Variants in TRAF5 observed in about 807,000 individuals in gnomAD.
The protein encoded by TRAF5 is TNF receptor-associated factor 5.
A neutral mutation model predicts 64.5 loss-of-function variants in TRAF5; 48 were observed. That is an observed-to-expected ratio of 0.74 (90% CI 0.59 to 0.95). The LOEUF (loss-of-function observed/expected upper bound fraction) is 0.95. TRAF5 is among the 40% of genes least tolerant of loss of function. The probability of loss-of-function intolerance (pLI) is 0.00; values close to 1 mark genes in which losing one functional copy is unlikely to be tolerated. For synonymous variants in TRAF5, 206 were observed against 240.5 expected (o/e 0.86, Z 1.33); for missense variants, 545 against 662.8 (o/e 0.82, Z 1.95).
rs190724428 is a variant in TRAF5, at chr1:211,362,915, A to G, written c.696+1753A>G. On this transcript the variant is annotated intron_variant, in intron 7 of 10. Transcript: ENST00000261464. ...TCCTTAATATACAAAGAAACCTTAC[A>G]TGTTAATAACCTACTCAACTTAATG... 3.5e-3 allele frequency among the ~76,000 whole-genome samples: 538 copies of G among 152,332 alleles called. 2 individuals are homozygous for G. Among genetic ancestry groups the G allele is most frequent in the African/African-American group, 9.9e-3 (411 of 41,580 alleles).
chr1:211,350,551 A>T (rs1168483113), intron 1 of TRAF5, among the ~76,000 whole-genome samples: 1 of 152,210 alleles, frequency 6.6e-6, no homozygotes, highest in East Asian at 1.9e-4. Flanking sequence ...CCACTAAAAG[A>T]TGAAGGGAGA....
intron 1 of TRAF5, among the ~76,000 whole-genome samples, chr1:211,334,129 T>C (rs966805941): frequency 7.9e-5 from 12 of 152,154 alleles, no homozygotes; most frequent in African/African-American, 2.9e-4. Context: ...GGAGACCAGG[T>C]GCAAGCCTCC....
chr1:211,371,373 C>A lies in TRAF5; in HGVS notation c.1002C>A (p.Asn334Lys). 6.2e-7 allele frequency: 1 copy of A among 1,611,452 alleles called. No homozygotes were observed. The highest frequency in any genetic ancestry group is 8.5e-7 in the Non-Finnish European group (1 of 1,179,562). Residue 334 changes from asparagine (N) to lysine (K), a missense_variant, in exon 10 of 11, where the codon AAC (asparagine) becomes AAA (lysine). Physicochemically the swap from Asn to Lys is moderately conservative, Grantham distance 94. Transcript: ENST00000261464. ...AQVHQLLQMV[N>K]QQQNKFDLRP... ...TGCATCAATTATTACAAATGGTTAA[C>A]CAGCAACAAAATAAATTTGACCTGA...
chr1:211,340,307 T>G (rs1218850223), intron 1 of TRAF5, among the ~76,000 whole-genome samples: 1 of 152,192 alleles, frequency 6.6e-6, no homozygotes, highest in Non-Finnish European at 1.5e-5. Flanking sequence ...TTTTTTGAGA[T>G]GGAGTCTTGC....
rs1053569713 is a variant in TRAF5, at chr1:211,372,063, G to A, written c.1100-65G>A. Reference sequence around the variant, plus strand: ...CTTTCAGGTAACAAAATTCCACTTTGGGAAAATTTTAAAGATAACTTTTAG... The same window carrying A: ...CTTTCAGGTAACAAAATTCCACTTTAGGAAAATTTTAAAGATAACTTTTAG... On this transcript the variant is annotated intron_variant, in intron 10 of 10. Coordinates refer to ENST00000261464, the MANE Select transcript of TRAF5 (RefSeq NM_001033910.3). 2.8e-6 allele frequency: 4 copies of A among 1,414,582 alleles called. No homozygotes were observed. The African/African-American group carries it at 5.8e-5, about 20-fold the overall frequency. 87.6% of individuals were successfully genotyped at this position (1,414,582 alleles called of 1,614,324 possible). A position where few individuals can be genotyped will look rare whatever the true frequency, so the allele number is the denominator to read the frequency against.
chr1:211,353,328 G>C lies in TRAF5; in HGVS notation c.89G>C (p.Ser30Thr). 1.2e-6 allele frequency: 2 copies of C among 1,614,208 alleles called. No homozygotes were observed. The highest frequency in any genetic ancestry group is 1.7e-6 in the Non-Finnish European group (2 of 1,180,038). The change falls in exon 2 of 11, where the codon AGT (serine) becomes ACT (threonine). Residue 30 changes from serine to threonine, a missense_variant. By Grantham distance (58) the Ser-to-Thr change is moderately conservative (BLOSUM62 1). Transcript: ENST00000261464. ...GNSISLDFEPSIEYQFVERLE... is the reference protein window; with the variant it reads ...GNSISLDFEPTIEYQFVERLE... ...TCCATTTCCTTGGACTTTGAGCCCA[G>C]TATAGAGTACCAGTTTGTGGAGCGG...
intron 7 of TRAF5, among the ~76,000 whole-genome samples, chr1:211,364,140 G>A (rs1703273589): frequency 6.6e-6 from 1 of 152,104 alleles, no homozygotes; most frequent in Middle Eastern, 3.4e-3. Context: ...AAACTGCATG[G>A]ATCACCTTGA....
At chr1:211,360,377 A>G in intron 5 of TRAF5, 1 of 485,998 alleles carries the variant, frequency 2.1e-6, no homozygotes, top group South Asian at 2.7e-5. Flanking sequence ...TCTGCAGTGT[A>G]GCTGGGGAGG....
At chr1:211,342,047 T>A (rs912266808) in intron 1 of TRAF5, among the ~76,000 whole-genome samples, 7 of 152,124 alleles carry the variant, frequency 4.6e-5, no homozygotes, top group Non-Finnish European at 7.4e-5. Flanking sequence ...TCAGCAAACT[T>A]CTTCTGTAAA....
intron 1 of TRAF5, among the ~76,000 whole-genome samples, chr1:211,337,811 C>A (rs1459901371): frequency 3.3e-5 from 5 of 152,152 alleles, no homozygotes; most frequent in Non-Finnish European, 5.9e-5. Context: ...TTGGTGGTAC[C>A]ATTTCACTGA....
At chr1:211,344,626 T>G (rs1018322407) in intron 1 of TRAF5, among the ~76,000 whole-genome samples, 1 of 152,226 alleles carries the variant, frequency 6.6e-6, no homozygotes. Context: ...CTTCTTCAGT[T>G]TTTGAGGGAA....
chr1:211,337,095 C>T (rs1702322360), intron 1 of TRAF5, among the ~76,000 whole-genome samples: 1 of 152,210 alleles, frequency 6.6e-6, no homozygotes. Flanking sequence ...TGTGCTGGAG[C>T]TTATATTCTA....
In TRAF5 at chr1:211,326,860, G is replaced by C; in HGVS notation, c.-31G>C. 3.0e-6 allele frequency: 3 copies of C among 984,932 alleles called. No homozygotes were observed. In the South Asian group the frequency reaches 1.4e-4, roughly 44 times the overall value. 61.0% of individuals were successfully genotyped at this position (984,932 alleles called of 1,614,324 possible). A position where few individuals can be genotyped will look rare whatever the true frequency, so the allele number is the denominator to read the frequency against. ...GAGCAGCAGCCGCGCCTGCAGACCG[G>C]CCTCGCGGAGCCCGCGCGCCGAGCC... On this transcript the variant is annotated 5_prime_UTR_variant, in exon 1 of 11. Transcript: ENST00000261464. The surrounding 1 kb of genome is among the most constrained non-coding windows in gnomAD (Gnocchi z 5.0).
chr1:211,352,779 G>A lies in TRAF5; in HGVS notation c.-1-460G>A, dbSNP rs149440276. On this transcript the variant is annotated intron_variant, in intron 1 of 10. Transcript: ENST00000261464. ...CCAGCATGTTCAATGTCTGGTAAACGCTTGCTCTGTGCTTCCAAGATGGTG... is the reference window on the plus strand; with the variant it reads ...CCAGCATGTTCAATGTCTGGTAAACACTTGCTCTGTGCTTCCAAGATGGTG... 3.2e-3 allele frequency among the ~76,000 whole-genome samples: 484 copies of A among 152,284 alleles called. 2 individuals are homozygous for A. The highest frequency in any genetic ancestry group is 0.011 in the African/African-American group (466 of 41,556).
chr1:211,338,513 G>C (rs1223875522), intron 1 of TRAF5, among the ~76,000 whole-genome samples: 1 of 152,190 alleles, frequency 6.6e-6, no homozygotes, highest in Non-Finnish European at 1.5e-5. Context: ...AGGAGGGCAG[G>C]GTGGAAATGC....
intron 5 of TRAF5, 134 bp from the exon 6 acceptor site, chr1:211,360,568 C>T: frequency 9.5e-6 from 6 of 628,846 alleles, no homozygotes; most frequent in East Asian, 2.8e-5. Flanking sequence ...ATCTTTAATC[C>T]TTTTTTGGAA....
chr1:211,372,196 A>T lies in TRAF5; in HGVS notation c.1168A>T (p.Asn390Tyr). ...TATTCATAAAGCACAGCTGAGTAAA[A>T]ATGAAGAGCGATTTAAACTGCTGGA... The part of the protein sequence containing the change: ...INIHKAQLSK[N>Y]EERFKLLEGT... The change falls in exon 11 of 11, where the codon AAT becomes TAT. Residue 390 changes from asparagine to tyrosine, a missense_variant. Physicochemically the swap from Asn to Tyr is moderately radical, Grantham distance 143. Transcript: ENST00000261464. The T allele has an allele frequency of 6.2e-7, 1 of 1,614,068 alleles. No homozygotes were observed. The highest frequency in any genetic ancestry group is 2.2e-5 in the East Asian group (1 of 44,882).
In TRAF5 at chr1:211,360,753, T is replaced by G; in HGVS notation, c.595T>G (p.Cys199Gly). 1 of 1,613,994 alleles carries G rather than the reference T, an allele frequency of 6.2e-7. No individual in the cohort carries two copies. The highest frequency in any genetic ancestry group is 8.5e-7 in the Non-Finnish European group (1 of 1,179,896). The stretch of plus-strand genomic sequence containing the variant: ...ATACCCAGTATTTTGTCCCAACAAT[T>G]GTGCGAAGATTATTCTAAAAACTGA... ...PEYPVFCPNN[C>G]AKIILKTEVD... The change falls in exon 6 of 11, where the codon TGT (cysteine) becomes GGT (glycine). Residue 199 changes from cysteine (C) to glycine (G), a missense_variant. Transcript: ENST00000261464.
At position 211,360,756 on chromosome 1, in the gene TRAF5, G is replaced by A. The variant is rs756166595; in HGVS notation, c.598G>A (p.Ala200Thr). The change falls in exon 6 of 11, where the codon GCG becomes ACG. Residue 200 changes from alanine (A) to threonine (T), a missense_variant. By Grantham distance (58) the Ala-to-Thr change is moderately conservative (BLOSUM62 0). Coordinates refer to ENST00000261464, the MANE Select transcript of TRAF5 (RefSeq NM_001033910.3). ...EYPVFCPNNCAKIILKTEVDE... is the reference protein window; with the variant it reads ...EYPVFCPNNCTKIILKTEVDE... ...CCCAGTATTTTGTCCCAACAATTGT[G>A]CGAAGATTATTCTAAAAACTGAGGT... The A allele has an allele frequency of 7.4e-6, 12 of 1,613,770 alleles. No homozygotes were observed. The African/African-American group carries it at 9.3e-5, about 13-fold the overall frequency.
Sources: gnomAD v4.1 joint callset for allele counts (sites outside exome capture counted in the v4.1 genomes callset) on GRCh38, gnomAD v4.1.1 for gene constraint, Gnocchi (gnomAD v3.1) non-coding constraint, MANE v1.5 for transcripts, NCBI Gene and HGNC (gene_info 2026-07-23, HGNC 2026-07-21) for gene names.